DPF3: variants seen among roughly 807,000 people sequenced by gnomAD.
The protein encoded by DPF3 is zinc finger protein DPF3.
A neutral mutation model predicts 56.8 loss-of-function variants in DPF3; 18 were observed. The observed-to-expected ratio is 0.32, with a 90% CI of 0.22 to 0.47. The LOEUF is 0.47. Among genes scored for constraint, DPF3 ranks in the 20% least tolerant of loss-of-function variants. The probability of loss-of-function intolerance (pLI) is 1.00; values close to 1 mark genes in which losing one functional copy is unlikely to be tolerated. For synonymous variants in DPF3, 188 were observed against 180.2 expected (o/e 1.04, Z -0.35); for missense variants, 403 against 488.8 (o/e 0.82, Z 1.65).
chr14:72,629,880 G>A, intron 8 of DPF3, 144 bp from the exon 9 acceptor site: 1 of 663,092 alleles, frequency 1.5e-6, no homozygotes, highest in Non-Finnish European at 2.6e-6. Context: ...ACCCAAACAG[G>A]GCCCTACCCA....
intron 7 of DPF3, chr14:72,679,176 C>G (rs1425096456): frequency 6.6e-6 from 1 of 152,226 alleles, no homozygotes; most frequent in Non-Finnish European, 1.5e-5. Context: ...TCTCCCCCTC[C>G]CAGTCGGATC....
intron 6 of DPF3, among the ~76,000 whole-genome samples, chr14:72,708,617 A>G (rs1279646280): frequency 6.6e-6 from 1 of 152,216 alleles, no homozygotes; most frequent in Non-Finnish European, 1.5e-5. Context: ...GCAAAACTGC[A>G]AGAGTCATCT....
chr14:72,795,277 CAAA>C (rs578053636), intron 1 of DPF3, among the ~76,000 whole-genome samples: 21,322 of 108,940 alleles, frequency 0.2, 1,925 homozygotes, highest in East Asian at 0.27. Flanking sequence ...CTCTTTTTGA[CAAA>C]AAAAAAAAAA....
At chr14:72,817,606 A>G (rs1883346386) in intron 1 of DPF3, among the ~76,000 whole-genome samples, 1 of 152,218 alleles carries the variant, frequency 6.6e-6, no homozygotes, top group South Asian at 2.1e-4. Flanking sequence ...CCCACCCAGC[A>G]GATGGATGTT....
intron 8 of DPF3, 137 bp from the exon 9 acceptor site, chr14:72,629,873 C>A: frequency 1.4e-6 from 1 of 689,774 alleles, no homozygotes; most frequent in Non-Finnish European, 2.5e-6. Context: ...AATGGGGACC[C>A]AAACAGGGCC....
chr14:72,647,094 A>G (rs1157336547), intron 8 of DPF3, among the ~76,000 whole-genome samples: 2 of 152,184 alleles, frequency 1.3e-5, no homozygotes, highest in African/African-American at 2.4e-5. Context: ...GCCTTGCTCA[A>G]TGAGGGCTCG....
chr14:72,850,660 A>G (rs1884944591), intron 1 of DPF3, among the ~76,000 whole-genome samples: 3 of 152,130 alleles, frequency 2.0e-5, no homozygotes, highest in Admixed American at 1.3e-4. Context: ...TGCCATGACA[A>G]TCTGATTCTC....
intron 8 of DPF3, among the ~76,000 whole-genome samples, chr14:72,634,248 A>C (rs1425937174): frequency 6.6e-6 from 1 of 152,112 alleles, no homozygotes; most frequent in Non-Finnish European, 1.5e-5. Flanking sequence ...AGGTGCAAAA[A>C]CTGTGCCCAG....
intron 1 of DPF3, among the ~76,000 whole-genome samples, chr14:72,846,328 C>CTTTTTTT (rs10563066): frequency 1.6e-4 from 10 of 62,442 alleles, no homozygotes; most frequent in East Asian, 4.1e-4. Flanking sequence ...CCAGGCTAGT[C>CTTTTTTT]TTTTTTTTTT....
At chr14:72,825,427 A>G (rs1455841794) in intron 1 of DPF3, among the ~76,000 whole-genome samples, 1 of 152,224 alleles carries the variant, frequency 6.6e-6, no homozygotes, top group Non-Finnish European at 1.5e-5. Flanking sequence ...GTGAGTGCCT[A>G]ATACCTGCCA....
intron 1 of DPF3, chr14:72,879,937 C>A: frequency 6.6e-7 from 1 of 1,506,476 alleles, no homozygotes; most frequent in Non-Finnish European, 8.8e-7. Flanking sequence ...TCATAGGATT[C>A]TTGAAAGGGC....
At chr14:72,688,807 C>G (rs952115085) in intron 7 of DPF3, among the ~76,000 whole-genome samples, 1 of 152,140 alleles carries the variant, frequency 6.6e-6, no homozygotes, top group African/African-American at 2.4e-5. Context: ...GAAGAGGCAC[C>G]CAGCCTCATG....
chr14:72,745,872 G>A (rs1253391780), intron 3 of DPF3, among the ~76,000 whole-genome samples: 1 of 152,230 alleles, frequency 6.6e-6, no homozygotes, highest in African/African-American at 2.4e-5. Context: ...TACTGTCCGA[G>A]TTAGCCCTGT....
intron 2 of DPF3, 89 bp from the exon 3 acceptor site, chr14:72,753,460 G>C (rs1331414114): frequency 2.9e-6 from 3 of 1,044,732 alleles, no homozygotes. Context: ...TTCACAAGGA[G>C]AGGAAGCTGA....
chr14:72,703,615 T>C (rs1453400235), intron 6 of DPF3, among the ~76,000 whole-genome samples: 1 of 152,208 alleles, frequency 6.6e-6, no homozygotes, highest in African/African-American at 2.4e-5. Flanking sequence ...GGAGTCTGCC[T>C]TCTTGGGTCA....
Position 72,714,470 on chromosome 14 carries a change from T to C in DPF3, c.557A>G (p.His186Arg), listed in dbSNP as rs771067822. 4 of 1,613,702 alleles carry C rather than the reference T, an allele frequency of 2.5e-6. No individual in the cohort carries two copies. Among genetic ancestry groups the C allele is most frequent in the African/African-American group, 1.3e-5 (1 of 74,900 alleles). ...GTGGTCTTCCTGAGAGGCGGCGTCG[T>C]GCCTCCTCCTGCCCCCTGCAGAGCC... ...ARGSAGGRRR[H>R]DAASQEDHDK... Residue 186 changes from histidine to arginine, a missense_variant, in exon 6 of 11, where the codon CAC becomes CGC. His to Arg is a conservative substitution (Grantham distance 29, BLOSUM62 0). Transcript: ENST00000556509.
chr14:72,614,822 C>T lies in DPF3; in HGVS notation c.*4475G>A, dbSNP rs1315461169. ...AATCACTGTTCACTCCCACCTGCTG[C>T]CCTCCAGCTCCTTAGCTCGAGGATT... On this transcript the variant is annotated 3_prime_UTR_variant, in exon 11 of 11. Transcript: ENST00000556509. Among the ~76,000 whole-genome samples the T allele has an allele frequency of 6.8e-6, 1 of 147,104 alleles. No individual in the cohort carries two copies. The highest frequency in any genetic ancestry group is 1.5e-5 in the Non-Finnish European group (1 of 66,918).
At chr14:72,655,979 C>CA (rs370776886) in intron 8 of DPF3, among the ~76,000 whole-genome samples, 50 of 152,306 alleles carry the variant, frequency 3.3e-4, no homozygotes, top group African/African-American at 1.1e-3. Flanking sequence ...TGCTTGGTGT[C>CA]AAAAGAACTG....
At chr14:72,662,401 A>C in intron 8 of DPF3, 1 of 985,066 alleles carries the variant, frequency 1.0e-6, no homozygotes, top group African/African-American at 1.7e-5. Flanking sequence ...CTTTAAACAA[A>C]AATACTGTGC....
Sources: allele counts gnomAD v4.1 joint callset (sites outside exome capture counted in the v4.1 genomes callset), GRCh38; gene constraint gnomAD v4.1.1; transcripts MANE v1.5; gene names NCBI Gene and HGNC (gene_info 2026-07-23, HGNC 2026-07-21).